The following CDH13 variants were observed in gnomAD, a reference collection of about 807,000 sequenced individuals.
CDH13 encodes the protein cadherin-13.
A neutral mutation model predicts 63.8 loss-of-function variants in CDH13; 24 were observed. The ratio of observed to expected loss-of-function variants is 0.38; its 90% CI spans 0.27 to 0.53. The LOEUF (loss-of-function observed/expected upper bound fraction) is 0.53. CDH13 is among the 20% of genes least tolerant of loss of function. The pLI, the probability that CDH13 is intolerant of heterozygous loss-of-function variation, is 0.85. For synonymous variants in CDH13, 503 were observed against 355.3 expected (o/e 1.42, Z -4.67); for missense variants, 1,049 against 903.1 (o/e 1.16, Z -2.07).
intron 11 of CDH13, among the ~76,000 whole-genome samples, chr16:83,764,461 A>C (rs1219963077): frequency 6.6e-6 from 1 of 152,202 alleles, no homozygotes; most frequent in Non-Finnish European, 1.5e-5. Context: ...TTGACATTAA[A>C]ATACTGTCAG....
intron 2 of CDH13, among the ~76,000 whole-genome samples, chr16:82,903,140 C>G (rs900452099): frequency 2.0e-5 from 3 of 152,258 alleles, no homozygotes; most frequent in African/African-American, 7.2e-5. Flanking sequence ...GAAACCACCT[C>G]AGGCCTCTGC....
chr16:83,189,023 A>T (rs1389665045), intron 4 of CDH13, among the ~76,000 whole-genome samples: 1 of 152,186 alleles, frequency 6.6e-6, no homozygotes, highest in African/African-American at 2.4e-5. Context: ...CTGCATTAGT[A>T]ATATGGGCAT....
At chr16:82,672,870 A>AGT (rs1019523645) in intron 1 of CDH13, among the ~76,000 whole-genome samples, 1 of 151,924 alleles carries the variant, frequency 6.6e-6, no homozygotes, top group Admixed American at 6.6e-5. Flanking sequence ...GCTGGAGTGC[A>AGT]GTGACATGAT....
chr16:82,970,236 T>G (rs1388181810), intron 2 of CDH13, among the ~76,000 whole-genome samples: 4 of 152,148 alleles, frequency 2.6e-5, no homozygotes, highest in Admixed American at 2.6e-4. Flanking sequence ...GCTACATCCG[T>G]GATCCTGCAA....
rs531482125 is a variant in CDH13 at position 82,782,772 on chromosome 16, C to G, written c.46-75590C>G. Reference sequence around the variant, plus strand: ...GGAATCCGGCCTTCTGTCTGCCTTACTCCCGCTGCTGGTGAAGCTGCAGGA... The same window carrying G: ...GGAATCCGGCCTTCTGTCTGCCTTAGTCCCGCTGCTGGTGAAGCTGCAGGA... On this transcript the variant is annotated intron_variant, in intron 1 of 13. Coordinates refer to ENST00000567109, the MANE Select transcript of CDH13 (RefSeq NM_001257.5). Among the ~76,000 whole-genome samples, 9 of 152,286 alleles carry G rather than the reference C, an allele frequency of 5.9e-5. No individual in the cohort carries two copies. The South Asian group carries it at 1.2e-3, about 21-fold the overall frequency.
At chr16:82,734,647 A>G (rs1403024454) in intron 1 of CDH13, among the ~76,000 whole-genome samples, 1 of 152,198 alleles carries the variant, frequency 6.6e-6, no homozygotes, top group Non-Finnish European at 1.5e-5. Flanking sequence ...CAGGGGCAGG[A>G]AGCAGGAGTG....
Position 83,478,232 on chromosome 16 carries a change from C to G in CDH13, c.782-8245C>G, listed in dbSNP as rs371323229. Among the ~76,000 whole-genome samples the G allele has an allele frequency of 3.9e-3, 586 of 152,134 alleles. 6 individuals carry two copies. The highest frequency in any genetic ancestry group is 0.014 in the African/African-American group (574 of 41,510). ...TCAGACATGCAGTAATTCCTTTGAG[C>G]TAAAAGGCAGCTGCCGCCTGAGGCA... On this transcript the variant is annotated intron_variant, in intron 6 of 13. Transcript: ENST00000567109.
intron 1 of CDH13, among the ~76,000 whole-genome samples, chr16:82,828,488 G>T (rs1410954226): frequency 6.6e-6 from 1 of 152,062 alleles, no homozygotes; most frequent in African/African-American, 2.4e-5. Context: ...GTGTTGGCGG[G>T]CACCTGTAAT....
At chr16:82,795,223 G>A (rs1352331735) in intron 1 of CDH13, among the ~76,000 whole-genome samples, 2 of 152,156 alleles carry the variant, frequency 1.3e-5, no homozygotes, top group Non-Finnish European at 2.9e-5. Context: ...CATGTCTATT[G>A]GAATGAATAA....
chr16:82,929,960 G>A (rs770782157), intron 2 of CDH13, among the ~76,000 whole-genome samples: 23 of 151,316 alleles, frequency 1.5e-4, no homozygotes, highest in African/African-American at 2.2e-4. Context: ...ACTGGCCACC[G>A]GAAGCCCCAT....
intron 7 of CDH13, among the ~76,000 whole-genome samples, chr16:83,589,347 C>G: frequency 7.0e-6 from 1 of 142,680 alleles, no homozygotes; most frequent in Non-Finnish European, 1.5e-5. Flanking sequence ...GTCTCCCTCC[C>G]TCCTCCCTCC....
chr16:82,645,734 C>A (rs964447024), intron 1 of CDH13, among the ~76,000 whole-genome samples: 1 of 152,164 alleles, frequency 6.6e-6, no homozygotes, highest in African/African-American at 2.4e-5. Flanking sequence ...TACCTCACAG[C>A]AAGCCGCTAT....
intron 4 of CDH13, chr16:83,171,494 C>G (rs577448959): frequency 1.3e-6 from 2 of 1,523,122 alleles, no homozygotes; most frequent in East Asian, 2.4e-5. Flanking sequence ...TGAAAATAGA[C>G]TGCCCATAAA....
intron 3 of CDH13, among the ~76,000 whole-genome samples, chr16:83,091,756 C>T (rs941149588): frequency 5.9e-5 from 9 of 152,206 alleles, no homozygotes; most frequent in Admixed American, 1.3e-4. Context: ...TTGTTCACTA[C>T]ATACTATATC....
chr16:83,436,629 G>A (rs1028855010), intron 6 of CDH13, among the ~76,000 whole-genome samples: 4 of 152,226 alleles, frequency 2.6e-5, no homozygotes, highest in African/African-American at 9.6e-5. Flanking sequence ...CTTCCTCTTT[G>A]AAAGAACTTA....
At chr16:83,330,806 A>T (rs532674617) in intron 5 of CDH13, among the ~76,000 whole-genome samples, 2 of 152,174 alleles carry the variant, frequency 1.3e-5, no homozygotes, top group African/African-American at 4.8e-5. Context: ...CATGAGCCCT[A>T]TGCTTCCTCT....
chr16:83,411,657 C>T (rs2092127651), intron 6 of CDH13, among the ~76,000 whole-genome samples: 1 of 152,124 alleles, frequency 6.6e-6, no homozygotes, highest in South Asian at 2.1e-4. Flanking sequence ...CATTTTTATG[C>T]CCTTATAGGT....
At chr16:83,064,813 C>G (rs1197321781) in intron 3 of CDH13, among the ~76,000 whole-genome samples, 1 of 152,124 alleles carries the variant, frequency 6.6e-6, no homozygotes, top group Non-Finnish European at 1.5e-5. Flanking sequence ...TTAAATCAAG[C>G]TAATTAACAT....
chr16:83,011,026 A>T (rs1914099329), intron 2 of CDH13, among the ~76,000 whole-genome samples: 1 of 152,056 alleles, frequency 6.6e-6, no homozygotes, highest in Admixed American at 6.5e-5. Flanking sequence ...TGGCTTACTC[A>T]CTGGCCAGAG....
Sources: gnomAD v4.1 joint callset for allele counts (sites outside exome capture counted in the v4.1 genomes callset) on GRCh38, gnomAD v4.1.1 for gene constraint, MANE v1.5 for transcripts, NCBI Gene and HGNC (gene_info 2026-07-23, HGNC 2026-07-21) for gene names.